The following MARCHF3 variants were observed in gnomAD, a reference collection of about 807,000 sequenced individuals.
MARCHF3 encodes the protein membrane associated ring-CH-type finger 3.
In MARCHF3, 13 loss-of-function variants were observed where a neutral mutation model predicts 24.2. The ratio of observed to expected loss-of-function variants is 0.54; its 90% CI spans 0.35 to 0.85. The LOEUF is 0.85. Among genes scored for constraint, MARCHF3 ranks in the 40% least tolerant of loss-of-function variants. The probability of loss-of-function intolerance (pLI) is 0.01; values close to 1 mark genes in which losing one functional copy is unlikely to be tolerated. For synonymous variants in MARCHF3, 144 were observed against 137.3 expected (o/e 1.05, Z -0.34); for missense variants, 276 against 325.0 (o/e 0.85, Z 1.16).
intron 1 of MARCHF3, among the ~76,000 whole-genome samples, chr5:127,013,186 T>C (rs778245211): frequency 4.6e-5 from 7 of 152,170 alleles, no homozygotes; most frequent in Non-Finnish European, 7.4e-5. Context: ...CCCAAAATAC[T>C]TGAGAAATAT....
chr5:126,936,582 G>A (rs1325023486), intron 1 of MARCHF3, among the ~76,000 whole-genome samples: 1 of 152,158 alleles, frequency 6.6e-6, no homozygotes, highest in African/African-American at 2.4e-5. Context: ...GTTCTGGGTA[G>A]CAAGTGATTC....
chr5:126,896,212 C>T (rs1304584671), intron 3 of MARCHF3, among the ~76,000 whole-genome samples: 1 of 152,174 alleles, frequency 6.6e-6, no homozygotes, highest in Non-Finnish European at 1.5e-5. Flanking sequence ...CACTGTCTGG[C>T]ACTCCCTAGT....
chr5:126,895,328 T>C (rs1311452642), intron 3 of MARCHF3, among the ~76,000 whole-genome samples: 1 of 152,160 alleles, frequency 6.6e-6, no homozygotes, highest in Non-Finnish European at 1.5e-5. Context: ...TCATTCTCCA[T>C]CTAGCTTTGT....
At chr5:126,971,407 C>T (rs1173358890) in intron 1 of MARCHF3, among the ~76,000 whole-genome samples, 1 of 148,474 alleles carries the variant, frequency 6.7e-6, no homozygotes, top group Non-Finnish European at 1.5e-5. Context: ...CGAGGTCGCG[C>T]CACTGCACTC....
At chr5:127,021,731 A>G (rs1372132021) in intron 1 of MARCHF3, among the ~76,000 whole-genome samples, 2 of 152,202 alleles carry the variant, frequency 1.3e-5, no homozygotes, top group Non-Finnish European at 2.9e-5. Context: ...ACACAACTTA[A>G]TTAGGTAGAT....
chr5:126,881,350 G>A (rs1753335635), intron 3 of MARCHF3, among the ~76,000 whole-genome samples: 1 of 152,164 alleles, frequency 6.6e-6, no homozygotes, highest in South Asian at 2.1e-4. Context: ...AGGTTTGTGA[G>A]CAAGATCAGT....
At chr5:126,973,921 C>T (rs1003242349) in intron 1 of MARCHF3, among the ~76,000 whole-genome samples, 70 of 114,234 alleles carry the variant, frequency 6.1e-4, no homozygotes, top group African/African-American at 1.9e-3. Flanking sequence ...GACGGAGTCT[C>T]GCTCTGTCGC....
At position 126,870,264 on chromosome 5, in the gene MARCHF3, A is replaced by AATATATAT. The variant is rs113861488; in HGVS notation, c.*361_*368dup. On this transcript the variant is annotated 3_prime_UTR_variant, in exon 5 of 5. Coordinates refer to ENST00000308660, the MANE Select transcript of MARCHF3 (RefSeq NM_178450.5). ...TTGATTTTGATTATCATCTAAGTTT[A>AATATATAT]ATATATATATATATGTGTGTGTGTT... 1.3e-5 allele frequency: 2 copies of AATATATAT among 153,344 alleles called. No individual in the cohort carries two copies. Among genetic ancestry groups the AATATATAT allele is most frequent in the African/African-American group, 4.8e-5 (2 of 41,308 alleles). 9.5% of individuals were successfully genotyped at this position (153,344 alleles called of 1,614,324 possible). A position where few individuals can be genotyped will look rare whatever the true frequency, so the allele number is the denominator to read the frequency against.
chr5:126,961,959 T>C (rs746735538), intron 1 of MARCHF3, among the ~76,000 whole-genome samples: 1 of 152,140 alleles, frequency 6.6e-6, no homozygotes, highest in Non-Finnish European at 1.5e-5. Flanking sequence ...TACACAATTA[T>C]ATGGACAAGC....
At chr5:126,971,475 A>C (rs1230923262) in intron 1 of MARCHF3, among the ~76,000 whole-genome samples, 1 of 151,868 alleles carries the variant, frequency 6.6e-6, no homozygotes, top group African/African-American at 2.4e-5. Context: ...AAAGAAAAGA[A>C]AAAACAAATG....
At chr5:127,005,382 C>T (rs879365837) in intron 1 of MARCHF3, among the ~76,000 whole-genome samples, 10 of 152,024 alleles carry the variant, frequency 6.6e-5, no homozygotes, top group South Asian at 2.1e-4. Flanking sequence ...GTGATCCACC[C>T]GCCTTGAACT....
intron 1 of MARCHF3, among the ~76,000 whole-genome samples, chr5:127,011,928 A>C (rs1752487540): frequency 6.6e-6 from 1 of 152,224 alleles, no homozygotes; most frequent in Non-Finnish European, 1.5e-5. Context: ...GTTATCTAGA[A>C]ACAAATGGAA....
chr5:126,920,780 C>T (rs1051787110), intron 1 of MARCHF3, among the ~76,000 whole-genome samples: 1 of 152,114 alleles, frequency 6.6e-6, no homozygotes, highest in African/African-American at 2.4e-5. Context: ...AATGTGTGAC[C>T]TAAATCCGCA....
At chr5:126,974,918 G>C (rs1751143416) in intron 1 of MARCHF3, among the ~76,000 whole-genome samples, 1 of 152,160 alleles carries the variant, frequency 6.6e-6, no homozygotes, top group Non-Finnish European at 1.5e-5. Flanking sequence ...CATTCATTCT[G>C]AAATCTATAT....
At chr5:126,925,240 C>T (rs1477560019) in intron 1 of MARCHF3, among the ~76,000 whole-genome samples, 11 of 152,004 alleles carry the variant, frequency 7.2e-5, no homozygotes, top group Admixed American at 5.2e-4. Flanking sequence ...AGAAAAAAAA[C>T]CTGACCAGCA....
chr5:126,985,284 T>A (rs1218355073), intron 1 of MARCHF3, among the ~76,000 whole-genome samples: 3 of 152,150 alleles, frequency 2.0e-5, no homozygotes, highest in Non-Finnish European at 4.4e-5. Flanking sequence ...ACAGAGGCAT[T>A]ATTACTTTTC....
At chr5:126,999,203 A>C (rs1227834065) in intron 1 of MARCHF3, among the ~76,000 whole-genome samples, 1 of 152,258 alleles carries the variant, frequency 6.6e-6, no homozygotes, top group Non-Finnish European at 1.5e-5. Context: ...GCCAACTTGC[A>C]TAAGAAGTTT....
intron 3 of MARCHF3, among the ~76,000 whole-genome samples, chr5:126,889,408 G>C (rs1753603774): frequency 6.6e-6 from 1 of 151,970 alleles, no homozygotes; most frequent in Non-Finnish European, 1.5e-5. Context: ...TTCAAAACCA[G>C]GTTTTCAAAA....
At chr5:126,970,041 T>C (rs1262792078) in intron 1 of MARCHF3, among the ~76,000 whole-genome samples, 1 of 152,184 alleles carries the variant, frequency 6.6e-6, no homozygotes, top group East Asian at 1.9e-4. Context: ...GGTGATGTCA[T>C]TTCAGGTTCC....
Sources: allele counts gnomAD v4.1 joint callset (sites outside exome capture counted in the v4.1 genomes callset), GRCh38; gene constraint gnomAD v4.1.1; transcripts MANE v1.5; gene names NCBI Gene and HGNC (gene_info 2026-07-23, HGNC 2026-07-21).